TAFA5: variants seen among roughly 807,000 people sequenced by gnomAD.
The protein encoded by TAFA5 is chemokine-like protein TAFA-5.
A neutral mutation model predicts 15.3 loss-of-function variants in TAFA5; 6 were observed. That is an observed-to-expected ratio of 0.39 (90% CI 0.21 to 0.77). The LOEUF (loss-of-function observed/expected upper bound fraction) is 0.77, where lower values mean the gene tolerates loss of function less well. TAFA5 is among the 30% of genes least tolerant of loss of function. TAFA5 has a pLI of 0.41. For synonymous variants in TAFA5, 103 were observed against 80.7 expected (o/e 1.28, Z -1.48); for missense variants, 161 against 193.1 (o/e 0.83, Z 0.98).
chr22:48,702,973 G>T (rs1242076948), intron 2 of TAFA5, among the ~76,000 whole-genome samples: 1 of 152,278 alleles, frequency 6.6e-6, no homozygotes, highest in Non-Finnish European at 1.5e-5. Context: ...CAGGCCTGCT[G>T]CCTGCTTGTC....
At chr22:48,605,186 G>GTGATGATGGTGATGGTGATGATGA (rs796753453) in intron 1 of TAFA5, among the ~76,000 whole-genome samples, 2 of 144 alleles carry the variant, frequency 0.014, 1 homozygote, top group African/African-American at 0.083. Flanking sequence ...GATGATGGTG[G>GTGATGATGGTGATGGTGATGATGA]TGGTGGTAAT....
chr22:48,619,325 T>TGAA (rs1881197575), intron 1 of TAFA5, among the ~76,000 whole-genome samples: 1 of 151,394 alleles, frequency 6.6e-6, no homozygotes, highest in Non-Finnish European at 1.5e-5. Flanking sequence ...AGGGTGTGGG[T>TGAA]GAAGGCACAT....
chr22:48,721,733 G>C (rs1360598114), intron 3 of TAFA5, among the ~76,000 whole-genome samples: 2 of 152,186 alleles, frequency 1.3e-5, no homozygotes, highest in Non-Finnish European at 2.9e-5. Flanking sequence ...ACTTTGGGAG[G>C]CCAAGCAGGC....
chr22:48,505,716 G>A (rs1016970235), intron 1 of TAFA5, among the ~76,000 whole-genome samples: 2 of 152,178 alleles, frequency 1.3e-5, no homozygotes, highest in Admixed American at 6.5e-5. Flanking sequence ...GTGCATCTCT[G>A]TCCCCATCCT....
rs377764643 is a variant in TAFA5, at chr22:48,490,778, CAAAAAA to C, written c.112+1085_112+1090del. 1.2e-5 allele frequency among the ~76,000 whole-genome samples: 1 copy of C among 83,510 alleles called. No individual in the cohort carries two copies. Among genetic ancestry groups the C allele is most frequent in the Non-Finnish European group, 2.4e-5 (1 of 42,460 alleles). The allele number at this position is 83,510 out of a possible 152,430, so 54.8% of individuals were successfully genotyped here. A position where few individuals can be genotyped will look rare whatever the true frequency, so the allele number is the denominator to read the frequency against. ...GTGATGGAAAAATATGGATTCTTTACAAAAAAAAAAAAAAAAGGCCAGCACCGAACC... is the reference window on the plus strand; with the variant it reads ...GTGATGGAAAAATATGGATTCTTTACAAAAAAAAAAGGCCAGCACCGAACC... On this transcript the variant is annotated intron_variant, in intron 1 of 3. Coordinates refer to ENST00000402357, the MANE Select transcript of TAFA5 (RefSeq NM_001082967.3). The surrounding 1 kb of genome is among the most constrained non-coding windows in gnomAD (Gnocchi z 5.8).
At chr22:48,628,591 T>A (rs1448827478) in intron 1 of TAFA5, among the ~76,000 whole-genome samples, 1 of 152,146 alleles carries the variant, frequency 6.6e-6, no homozygotes, top group Non-Finnish European at 1.5e-5. Flanking sequence ...CGCCACCCCC[T>A]CCAGGAGAGG....
chr22:48,670,296 G>A lies in TAFA5; in HGVS notation c.262+23550G>A, dbSNP rs115810147. ...GATACCATTCCTTTATCTAGGCCACGATTCCTCTGAAGAAGTCATTATGAA... is the reference window on the plus strand; with the variant it reads ...GATACCATTCCTTTATCTAGGCCACAATTCCTCTGAAGAAGTCATTATGAA... On this transcript the variant is annotated intron_variant, in intron 2 of 3. Coordinates refer to ENST00000402357, the MANE Select transcript of TAFA5 (RefSeq NM_001082967.3). Among the ~76,000 whole-genome samples the A allele has an allele frequency of 4.9e-3, 753 of 152,334 alleles. 6 individuals are homozygous for A. Among genetic ancestry groups the A allele is most frequent in the African/African-American group, 0.017 (712 of 41,580 alleles).
chr22:48,594,453 C>T (rs1232494032), intron 1 of TAFA5, among the ~76,000 whole-genome samples: 1 of 152,212 alleles, frequency 6.6e-6, no homozygotes, highest in Non-Finnish European at 1.5e-5. Flanking sequence ...AGGGCTACGC[C>T]CACGGGGATG....
intron 1 of TAFA5, among the ~76,000 whole-genome samples, chr22:48,616,116 C>T (rs1266521319): frequency 6.6e-6 from 1 of 151,962 alleles, no homozygotes; most frequent in Non-Finnish European, 1.5e-5. Flanking sequence ...GGGCCTGGGG[C>T]TGGGGATCAC....
rs1925314518 is a variant in TAFA5, at chr22:48,609,356, T to A, written c.113-37241T>A. ...GACGCTCGGCCAGGCAGCTGCCTAG[T>A]CCGAGACCTGTGGCATCACTGTCCG... On this transcript the variant is annotated intron_variant, in intron 1 of 3. Coordinates refer to ENST00000402357, the MANE Select transcript of TAFA5 (RefSeq NM_001082967.3). Among the ~76,000 whole-genome samples, 3 of 152,136 alleles carry A rather than the reference T, an allele frequency of 2.0e-5. No homozygotes were observed. In the South Asian group the frequency reaches 6.2e-4, roughly 32 times the overall value.
intron 1 of TAFA5, among the ~76,000 whole-genome samples, chr22:48,536,921 C>T (rs1338218603): frequency 1.3e-5 from 2 of 152,210 alleles, no homozygotes; most frequent in Non-Finnish European, 2.9e-5. Context: ...GCAGCGGGGC[C>T]TGGCTGGGCT....
In TAFA5 at chr22:48,696,914, C is replaced by T. The variant is rs536954365; in HGVS notation, c.263-10803C>T. Among the ~76,000 whole-genome samples, 42 of 152,304 alleles carry T rather than the reference C, an allele frequency of 2.8e-4. No individual in the cohort carries two copies. In the South Asian group the frequency reaches 5.2e-3, roughly 19 times the overall value. ...GAGGGAGCTCCCGTCTCAGGGAGAC[C>T]GAAAACCTCCCTGGAAATCCAAGAC... On this transcript the variant is annotated intron_variant, in intron 2 of 3. Coordinates refer to ENST00000402357, the MANE Select transcript of TAFA5 (RefSeq NM_001082967.3).
intron 1 of TAFA5, among the ~76,000 whole-genome samples, chr22:48,641,789 G>A (rs1390540901): frequency 1.3e-5 from 2 of 152,146 alleles, no homozygotes; most frequent in Non-Finnish European, 2.9e-5. Flanking sequence ...CTCAGCAGAG[G>A]CCACTCCCCA....
intron 1 of TAFA5, among the ~76,000 whole-genome samples, chr22:48,605,063 T>C (rs1925109430): frequency 6.7e-6 from 1 of 149,890 alleles, no homozygotes; most frequent in Non-Finnish European, 1.5e-5. Flanking sequence ...GAGAGGAGAT[T>C]ATGGTGTTGC....
intron 1 of TAFA5, among the ~76,000 whole-genome samples, chr22:48,640,479 C>G (rs1000644763): frequency 2.0e-5 from 3 of 152,138 alleles, no homozygotes; most frequent in Non-Finnish European, 4.4e-5. Context: ...GAGTGTGCTT[C>G]TAAGGGGGGG....
intron 1 of TAFA5, among the ~76,000 whole-genome samples, chr22:48,529,390 A>T (rs1254615006): frequency 7.4e-5 from 7 of 94,814 alleles, no homozygotes; most frequent in Non-Finnish European, 1.4e-4. Flanking sequence ...CAGGCAGGAG[A>T]TGAGGGTGTC....
intron 2 of TAFA5, among the ~76,000 whole-genome samples, chr22:48,666,933 T>C (rs982328706): frequency 6.6e-6 from 1 of 152,092 alleles, no homozygotes; most frequent in Non-Finnish European, 1.5e-5. Context: ...GAGGAGGGAC[T>C]GAGGGAGTGG....
At chr22:48,581,821 G>A (rs1332745242) in intron 1 of TAFA5, among the ~76,000 whole-genome samples, 1 of 152,142 alleles carries the variant, frequency 6.6e-6, no homozygotes. Context: ...CAGCCCCTTC[G>A]TTAGGGAGCA....
At chr22:48,718,999 G>C (rs935642181) in intron 3 of TAFA5, among the ~76,000 whole-genome samples, 1 of 152,194 alleles carries the variant, frequency 6.6e-6, no homozygotes, top group Non-Finnish European at 1.5e-5. Context: ...CTCTTTGCCC[G>C]GCCGGGTCAG....
Sources: gnomAD v4.1 joint callset for allele counts (sites outside exome capture counted in the v4.1 genomes callset) on GRCh38, gnomAD v4.1.1 for gene constraint, Gnocchi (gnomAD v3.1) non-coding constraint, MANE v1.5 for transcripts, NCBI Gene and HGNC (gene_info 2026-07-23, HGNC 2026-07-21) for gene names.